Variants in TAFA4 observed in about 807,000 individuals in gnomAD.
TAFA4 encodes TAFA chemokine like family member 4, also known as chemokine-like protein TAFA-4.
Under a neutral mutation model 21.1 loss-of-function variants are expected in TAFA4, and 20 were observed. The observed-to-expected ratio is 0.95, with a 90% CI of 0.67 to 1.38. TAFA4 has a LOEUF of 1.38. Ranked by LOEUF, TAFA4 falls within the 40% of genes most tolerant of loss-of-function variation. TAFA4 has a pLI of 0.00. For missense variants in TAFA4, 211 were observed against 180.9 expected, an observed-to-expected ratio of 1.17 and a Z score of -0.95; for synonymous variants, 71 against 67.4, an observed-to-expected ratio of 1.05 and a Z score of -0.26.
At chr3:68,799,413 C>A (rs374588194) in intron 3 of TAFA4, among the ~76,000 whole-genome samples, 1 of 152,000 alleles carries the variant, frequency 6.6e-6, no homozygotes, top group African/African-American at 2.4e-5. Context: ...CCCTCATGAC[C>A]GAATCACCTC....
At chr3:68,745,837 G>C (rs1055616986) in intron 4 of TAFA4, among the ~76,000 whole-genome samples, 1 of 152,162 alleles carries the variant, frequency 6.6e-6, no homozygotes, top group Non-Finnish European at 1.5e-5. Flanking sequence ...ATTTAGTTTA[G>C]CTGTATTTAC....
intron 3 of TAFA4, among the ~76,000 whole-genome samples, chr3:68,835,226 C>T (rs994517476): frequency 6.6e-6 from 1 of 152,196 alleles, no homozygotes; most frequent in Non-Finnish European, 1.5e-5. Flanking sequence ...AACTCCCCTA[C>T]ACCCACCTTG....
At chr3:68,795,969 C>T (rs72925150) in intron 3 of TAFA4, among the ~76,000 whole-genome samples, 4,291 of 152,174 alleles carry the variant, frequency 0.028, 211 homozygotes, top group African/African-American at 0.097. Context: ...TAAAGTACCA[C>T]GTTGGTGGTC....
intron 3 of TAFA4, among the ~76,000 whole-genome samples, chr3:68,838,175 C>T (rs915682923): frequency 6.6e-6 from 1 of 151,960 alleles, no homozygotes; most frequent in South Asian, 2.1e-4. Context: ...CAGCAAAAAA[C>T]CCAATAACTT....
intron 3 of TAFA4, among the ~76,000 whole-genome samples, chr3:68,771,130 C>G (rs992668827): frequency 6.6e-6 from 1 of 152,138 alleles, no homozygotes; most frequent in African/African-American, 2.4e-5. Context: ...ACTCCCCATC[C>G]ATCTCACTGA....
At chr3:68,799,022 T>C (rs1218695761) in intron 3 of TAFA4, among the ~76,000 whole-genome samples, 1 of 152,124 alleles carries the variant, frequency 6.6e-6, no homozygotes, top group Admixed American at 6.6e-5. Flanking sequence ...CCTTGAAAAA[T>C]GCTTTACTTT....
intron 3 of TAFA4, among the ~76,000 whole-genome samples, chr3:68,880,095 C>T (rs894330286): frequency 2.7e-5 from 4 of 148,814 alleles, no homozygotes; most frequent in Non-Finnish European, 4.5e-5. Flanking sequence ...ACAAACTGAT[C>T]GGTAGCTGAT....
chr3:68,848,792 C>T (rs1036672715), intron 3 of TAFA4, among the ~76,000 whole-genome samples: 2 of 152,152 alleles, frequency 1.3e-5, no homozygotes, highest in African/African-American at 2.4e-5. Context: ...GCCATGTCCT[C>T]CAGCATGACC....
At chr3:68,830,543 G>A (rs1213963956) in intron 3 of TAFA4, among the ~76,000 whole-genome samples, 1 of 152,190 alleles carries the variant, frequency 6.6e-6, no homozygotes, top group African/African-American at 2.4e-5. Context: ...TTGCACTGTG[G>A]TCTGAGAGAC....
chr3:68,887,194 A>T (rs1025002884), intron 1 of TAFA4, among the ~76,000 whole-genome samples: 3 of 152,224 alleles, frequency 2.0e-5, no homozygotes, highest in Non-Finnish European at 2.9e-5. Flanking sequence ...AAAAGAAAAG[A>T]AGTAACTGGT....
chr3:68,774,248 A>G (rs564455009), intron 3 of TAFA4, among the ~76,000 whole-genome samples: 112 of 152,250 alleles, frequency 7.4e-4, no homozygotes, highest in Non-Finnish European at 1.3e-3. Flanking sequence ...TGTTTATAGT[A>G]TAATGTTAAT....
At chr3:68,931,421 C>G (rs1041899811) in intron 1 of TAFA4, among the ~76,000 whole-genome samples, 2 of 152,002 alleles carry the variant, frequency 1.3e-5, no homozygotes, top group African/African-American at 2.4e-5. Context: ...GATGCTGATT[C>G]GAGAAGAAAA....
chr3:68,859,543 A>G (rs2089303519), intron 3 of TAFA4, among the ~76,000 whole-genome samples: 1 of 152,182 alleles, frequency 6.6e-6, no homozygotes, highest in East Asian at 1.9e-4. Context: ...AGTAGTTAGC[A>G]TTCACCACAA....
At chr3:68,812,932 A>G (rs985832910) in intron 3 of TAFA4, among the ~76,000 whole-genome samples, 3 of 152,140 alleles carry the variant, frequency 2.0e-5, no homozygotes, top group African/African-American at 4.8e-5. Context: ...GAAGTAAAGT[A>G]CTCCTCAGCA....
chr3:68,737,349 T>C (rs763057119), intron 5 of TAFA4, among the ~76,000 whole-genome samples: 5 of 152,146 alleles, frequency 3.3e-5, no homozygotes, highest in Admixed American at 3.3e-4. Flanking sequence ...TGGAAATTTA[T>C]TGGGAATGGC....
intron 3 of TAFA4, among the ~76,000 whole-genome samples, chr3:68,867,411 G>C (rs2089433806): frequency 6.6e-6 from 1 of 152,068 alleles, no homozygotes; most frequent in Non-Finnish European, 1.5e-5. Context: ...TACTAGACTT[G>C]TCTTACAAGA....
chr3:68,902,044 C>T (rs2089848244), intron 1 of TAFA4, among the ~76,000 whole-genome samples: 1 of 152,200 alleles, frequency 6.6e-6, no homozygotes, highest in Admixed American at 6.5e-5. Flanking sequence ...AAAATCATTT[C>T]TAGAGCCTAT....
chr3:68,861,030 ACCC>A (rs113804738), intron 3 of TAFA4, among the ~76,000 whole-genome samples: 1 of 111,116 alleles, frequency 9.0e-6, no homozygotes, highest in African/African-American at 3.2e-5. Context: ...TTAAATATGC[ACCC>A]CCCCCCCGCC....
At chr3:68,888,778 C>G (rs1368580998) in intron 1 of TAFA4, among the ~76,000 whole-genome samples, 1 of 151,842 alleles carries the variant, frequency 6.6e-6, no homozygotes, top group African/African-American at 2.4e-5. Context: ...TAACAATCCA[C>G]TCTCACAATA....
Sources: gnomAD v4.1 joint callset for allele counts (sites outside exome capture counted in the v4.1 genomes callset) on GRCh38, gnomAD v4.1.1 for gene constraint, MANE v1.5 for transcripts, NCBI Gene and HGNC (gene_info 2026-07-23, HGNC 2026-07-21) for gene names.